The following SNAPC4 variants were observed in gnomAD, a reference collection of about 807,000 sequenced individuals.
The protein encoded by SNAPC4 is small nuclear RNA activating complex polypeptide 4.
A neutral mutation model predicts 151.3 loss-of-function variants in SNAPC4; 127 were observed. The ratio of observed to expected loss-of-function variants is 0.84; its 90% confidence interval spans 0.73 to 0.97. The LOEUF is 0.97. Ranked by LOEUF, SNAPC4 falls within the 50% of genes least tolerant of loss-of-function variation. The pLI is 0.00. For synonymous variants in SNAPC4, 1,002 were observed against 824.4 expected (o/e 1.22, Z -3.69); for missense variants, 2,186 against 1,935.0 (o/e 1.13, Z -2.43).
In SNAPC4 at chr9:136,376,478, C is replaced by G. The variant is rs1401949930; in HGVS notation, c.4288G>C (p.Ala1430Pro). Residue 1430 changes from alanine to proline, a missense_variant, in exon 23 of 24, where the codon GCC (alanine) becomes CCC (proline). Coordinates refer to ENST00000684778, the MANE Select transcript of SNAPC4 (RefSeq NM_003086.4). Reference protein sequence around the residue: ...CTTATCPIQGAPDSGKCSASS... With the variant: ...CTTATCPIQGPPDSGKCSASS... ...GCAGAGCATTTACCAGAGTCTGGGG[C>G]TCCCTGAAAGAAAATCCAGGCAGTG... 1.9e-6 allele frequency: 3 copies of G among 1,613,040 alleles called. No homozygotes were observed. The highest frequency in any genetic ancestry group is 1.7e-6 in the Non-Finnish European group (2 of 1,179,778).
At chr9:136,384,678 AC>A (rs1564385369) in intron 14 of SNAPC4, 41 bp downstream of exon 14, 1 of 1,080,116 alleles carries the variant, frequency 9.3e-7, no homozygotes, top group Non-Finnish European at 1.4e-6. Context: ...GAAACAAAAA[AC>A]AAAAAAAAGA....
At chr9:136,395,156 CGGA>C in intron 5 of SNAPC4, 139 bp downstream of exon 5, 3 of 1,089,724 alleles carry the variant, frequency 2.8e-6, no homozygotes, top group South Asian at 1.5e-5. Context: ...TTGCCCACCA[CGGA>C]GGAGGCAGTT....
In SNAPC4 at chr9:136,381,936, C is replaced by T. The variant is rs145993618; in HGVS notation, c.2205G>A (p.Leu735=). 3 of 1,612,872 alleles carry T rather than the reference C, an allele frequency of 1.9e-6. No individual in the cohort carries two copies. Among genetic ancestry groups the T allele is most frequent in the African/African-American group, 2.7e-5 (2 of 75,046 alleles). The change falls in exon 18 of 24, where the codon CTG becomes CTA. Residue 735 remains leucine, a synonymous_variant. Transcript: ENST00000684778. ...GCCTGCGGTTCAGGAGCCTCCGGTG[C>T]AGAGCGTGTCTCCAGCGCCGCTGCC... ...QSGQRRWRHA[L]HRRLLNRRLL...
In SNAPC4 at chr9:136,392,519, T is replaced by C; in HGVS notation, c.810+3A>G. The C allele has an allele frequency of 6.2e-7, 1 of 1,613,634 alleles. No homozygotes were observed. The highest frequency in any genetic ancestry group is 8.5e-7 in the Non-Finnish European group (1 of 1,179,928). Reference sequence around the variant, plus strand: ...TTGGGGCTCAGACCTGCCCCTGACTTACGTTAATATTGGAAATCTTCTCCC... The same window carrying C: ...TTGGGGCTCAGACCTGCCCCTGACTCACGTTAATATTGGAAATCTTCTCCC... On this transcript the variant is annotated splice_donor_region_variant and intron_variant, in intron 9 of 23. Coordinates refer to ENST00000684778, the MANE Select transcript of SNAPC4 (RefSeq NM_003086.4).
chr9:136,400,170 C>G lies in SNAPC4; in HGVS notation c.-46G>C, dbSNP rs1015013051. ...GACCCCGCCGTCGCCCGGGCGACTGCAGACTCGACGCTTCCGGCGGCTGCA... is the reference window on the plus strand; with the variant it reads ...GACCCCGCCGTCGCCCGGGCGACTGGAGACTCGACGCTTCCGGCGGCTGCA... On this transcript the variant is annotated 5_prime_UTR_variant, in exon 1 of 24. Transcript: ENST00000684778. 1.3e-5 allele frequency: 2 copies of G among 152,134 alleles called. No homozygotes were observed. The highest frequency in any genetic ancestry group is 2.4e-5 in the African/African-American group (1 of 41,430). The allele number at this position is 152,134 out of a possible 1,614,324, so 9.4% of individuals were successfully genotyped here. A position where few individuals can be genotyped will look rare whatever the true frequency, so the allele number is the denominator to read the frequency against.
At position 136,391,975 on chromosome 9, in the gene SNAPC4, G is replaced by A. The variant is rs1339709665; in HGVS notation, c.942C>T (p.His314=). The change falls in exon 10 of 24, where the codon CAC becomes CAT. Residue 314 remains histidine, a synonymous_variant. Transcript: ENST00000684778. ...CCTCTGCAATCTTCTGCCACTCCAG[G>A]TGGCCGTGTGCAGCCGCGATCGCCT... The part of the protein sequence containing the change: ...RLQAIAAAHG[H]LEWQKIAEEL... 2 of 1,606,976 alleles carry A rather than the reference G, an allele frequency of 1.2e-6. No individual in the cohort carries two copies. The highest frequency in any genetic ancestry group is 1.3e-5 in the African/African-American group (1 of 75,006).
At chr9:136,377,318 G>A (rs1016843410) in intron 22 of SNAPC4, among the ~76,000 whole-genome samples, 1 of 152,210 alleles carries the variant, frequency 6.6e-6, no homozygotes, top group Non-Finnish European at 1.5e-5. Flanking sequence ...CGAGAATGAG[G>A]CCTCTCTTCT....
At chr9:136,388,244 G>A (rs868777044) in intron 11 of SNAPC4, among the ~76,000 whole-genome samples, 200 bp downstream of exon 11, 2 of 143,096 alleles carry the variant, frequency 1.4e-5, no homozygotes, top group Non-Finnish European at 3.0e-5. Context: ...TCCATCCTGG[G>A]CAACAAGAGT....
At chr9:136,388,360 CT>C (rs1182370979) in intron 11 of SNAPC4, 83 bp downstream of exon 11, 32 of 1,426,650 alleles carry the variant, frequency 2.2e-5, no homozygotes, top group Admixed American at 9.4e-5. Flanking sequence ...TGTTGCTTCT[CT>C]GTGAATTTTC....
In SNAPC4 at chr9:136,377,748, G is replaced by A. The variant is rs1237636131; in HGVS notation, c.4079C>T (p.Ala1360Val). ...GAACCGCGCCCGCAACAGGAGGTAG[G>A]CCGGGTTGTCCTGGAGCTGCCCCCG... ...LVRGQLQDNPAYLLLRARFLA... is the reference protein window; with the variant it reads ...LVRGQLQDNPVYLLLRARFLA... The change falls in exon 22 of 24, where the codon GCC (alanine) becomes GTC (valine). Residue 1360 changes from alanine to valine, a missense_variant. Physicochemically the swap from Ala to Val is moderately conservative, Grantham distance 64. Coordinates refer to ENST00000684778, the MANE Select transcript of SNAPC4 (RefSeq NM_003086.4). The A allele has an allele frequency of 1.2e-6, 2 of 1,610,410 alleles. No homozygotes were observed. Among genetic ancestry groups the A allele is most frequent in the Admixed American group, 1.7e-5 (1 of 59,890 alleles).
chr9:136,391,815 G>A, intron 10 of SNAPC4, 127 bp downstream of exon 10: 2 of 1,012,720 alleles, frequency 2.0e-6, no homozygotes, highest in Non-Finnish European at 2.8e-6. Context: ...CAGCCTGGAG[G>A]TGGCAACACA....
chr9:136,383,760 A>T lies in SNAPC4; in HGVS notation c.1501-92T>A. 3.3e-6 allele frequency: 5 copies of T among 1,504,202 alleles called. No individual in the cohort carries two copies. The highest frequency in any genetic ancestry group is 4.5e-6 in the Non-Finnish European group (5 of 1,109,596). 93.2% of individuals were successfully genotyped at this position (1,504,202 alleles called of 1,614,324 possible). A position where few individuals can be genotyped will look rare whatever the true frequency, so the allele number is the denominator to read the frequency against. On this transcript the variant is annotated intron_variant, in intron 15 of 23. Coordinates refer to ENST00000684778, the MANE Select transcript of SNAPC4 (RefSeq NM_003086.4). The surrounding 1 kb of genome is among the most constrained non-coding windows in gnomAD (Gnocchi z 4.2). ...GGCCAGCCCTTTGGGGAGAGGCCCA[A>T]GCGGGGGCGCCTCCGGGGTCAAGAG...
rs1165583091 is a variant in SNAPC4 at position 136,378,189 on chromosome 9, A to G, written c.3638T>C (p.Ile1213Thr). 3 of 1,612,122 alleles carry G rather than the reference A, an allele frequency of 1.9e-6. No homozygotes were observed. The highest frequency in any genetic ancestry group is 2.5e-6 in the Non-Finnish European group (3 of 1,179,780). Residue 1213 changes from isoleucine (I) to threonine (T), a missense_variant, in exon 22 of 24, where the codon ATC becomes ACC. Transcript: ENST00000684778. ...CGTCCCCCTTGGCTCAGTTGCTGGG[A>G]TGACACCACCGAAGGCTGGCAGCCT... Reference protein sequence around the residue: ...SGRLPAFGGVIPATEPRGTPG... With the variant: ...SGRLPAFGGVTPATEPRGTPG...
Position 136,378,385 on chromosome 9 carries a change from A to G in SNAPC4, c.3442T>C (p.Cys1148Arg). Residue 1148 changes from cysteine to arginine, a missense_variant, in exon 22 of 24, where the codon TGC (cysteine) becomes CGC (arginine). Coordinates refer to ENST00000684778, the MANE Select transcript of SNAPC4 (RefSeq NM_003086.4). Reference sequence around the variant, plus strand: ...GGAGGAGCTGGGGTGTCTGTCCTGCAGGAAGGCTCCGGTTCCCTGTTCATA... The same window carrying G: ...GGAGGAGCTGGGGTGTCTGTCCTGCGGGAAGGCTCCGGTTCCCTGTTCATA... Reference protein sequence around the residue: ...ANMNREPEPSCRTDTPAPPTH... With the variant: ...ANMNREPEPSRRTDTPAPPTH... 4 of 1,610,948 alleles carry G rather than the reference A, an allele frequency of 2.5e-6. No homozygotes were observed. Among genetic ancestry groups the G allele is most frequent in the East Asian group, 2.2e-5 (1 of 44,834 alleles).
chr9:136,384,705 C>T lies in SNAPC4; in HGVS notation c.1420+15G>A, dbSNP rs1701575408. On this transcript the variant is annotated intron_variant, in intron 14 of 23. Transcript: ENST00000684778. Reference sequence around the variant, plus strand: ...AAAAAAAAGAAACTAGAAGAACAAACTGTCAGCAACTTACCGACACCATAT... The same window carrying T: ...AAAAAAAAGAAACTAGAAGAACAAATTGTCAGCAACTTACCGACACCATAT... The T allele has an allele frequency of 2.4e-6, 3 of 1,253,756 alleles. No individual in the cohort carries two copies. The highest frequency in any genetic ancestry group is 4.7e-5 in the East Asian group (2 of 42,168). 77.7% of individuals were successfully genotyped at this position (1,253,756 alleles called of 1,614,324 possible).
At position 136,383,877 on chromosome 9, in the gene SNAPC4, C is replaced by G; in HGVS notation, c.1500+76G>C. On this transcript the variant is annotated intron_variant, in intron 15 of 23. Transcript: ENST00000684778. The surrounding 1 kb of genome is among the most constrained non-coding windows in gnomAD (Gnocchi z 4.2). The stretch of plus-strand genomic sequence containing the variant: ...AAACCGAACGCCCCCCTCCCCTCCC[C>G]TCCTCCTGCCTGCTGGACCCCCCAG... The G allele has an allele frequency of 1.4e-6, 2 of 1,423,268 alleles. No individual in the cohort carries two copies. The highest frequency in any genetic ancestry group is 2.0e-6 in the Non-Finnish European group (2 of 1,012,016). 88.2% of individuals were successfully genotyped at this position (1,423,268 alleles called of 1,614,324 possible).
rs1190932060 is a variant in SNAPC4 at position 136,398,342 on chromosome 9, G to C, written c.87C>G (p.His29Gln). 3 of 1,613,918 alleles carry C rather than the reference G, an allele frequency of 1.9e-6. No homozygotes were observed. The South Asian group carries it at 3.3e-5, about 18-fold the overall frequency. The change falls in exon 2 of 24, where the codon CAC becomes CAG. Residue 29 changes from histidine (H) to glutamine (Q), a missense_variant. Physicochemically the swap from His to Gln is conservative, Grantham distance 24. Coordinates refer to ENST00000684778, the MANE Select transcript of SNAPC4 (RefSeq NM_003086.4). ...RILDPGSSGS[H>Q]VEISESSLES... Reference sequence around the variant, plus strand: ...CGAGACTTGATTCTGAGATCTCCACGTGGGAGCCCGAGGAGCCGGGATCCA... The same window carrying C: ...CGAGACTTGATTCTGAGATCTCCACCTGGGAGCCCGAGGAGCCGGGATCCA...
chr9:136,391,657 G>A (rs1311453630), intron 10 of SNAPC4, among the ~76,000 whole-genome samples: 1 of 152,224 alleles, frequency 6.6e-6, no homozygotes, highest in African/African-American at 2.4e-5. Flanking sequence ...GGAGACAGAA[G>A]AAGACTAGAA....
intron 3 of SNAPC4, 33 bp downstream of exon 3, chr9:136,396,944 C>T (rs1445910689): frequency 5.0e-6 from 8 of 1,605,042 alleles, no homozygotes; most frequent in Non-Finnish European, 6.8e-6. Context: ...CAGGCCTGAC[C>T]CAGTGGCACA....
Sources: allele counts gnomAD v4.1 joint callset (sites outside exome capture counted in the v4.1 genomes callset), GRCh38; gene constraint gnomAD v4.1.1; non-coding constraint Gnocchi (gnomAD v3.1); transcripts MANE v1.5; gene names NCBI Gene and HGNC (gene_info 2026-07-23, HGNC 2026-07-21).